Variants in DMTF1 observed in about 807,000 individuals in gnomAD.
DMTF1 encodes cyclin D binding myb like transcription factor 1, also known as cyclin-D-binding Myb-like transcription factor 1.
DMTF1 carries 39 observed loss-of-function variants against 91.1 expected under a neutral mutation model. The ratio of observed to expected loss-of-function variants is 0.43; its 90% CI spans 0.33 to 0.56. The LOEUF (loss-of-function observed/expected upper bound fraction) is 0.56. Among genes scored for constraint, DMTF1 ranks in the 20% least tolerant of loss-of-function variants. The pLI, the probability that DMTF1 is intolerant of heterozygous loss-of-function variation, is 0.05. For synonymous variants in DMTF1, 338 were observed against 309.5 expected (o/e 1.09, Z -0.97); for missense variants, 750 against 914.5 (o/e 0.82, Z 2.32).
At chr7:87,163,056 A>G (rs970307935) in intron 1 of DMTF1, 8 of 152,064 alleles carry the variant, frequency 5.3e-5, no homozygotes, top group African/African-American at 1.9e-4. Flanking sequence ...GTACTATATA[A>G]TTTTTAATGC....
At chr7:87,186,781 G>A (rs2129170069) in intron 12 of DMTF1, 1 of 152,244 alleles carries the variant, frequency 6.6e-6, no homozygotes, top group African/African-American at 2.4e-5. Context: ...ATCTAGGTTT[G>A]TGTAAGTACA....
chr7:87,159,579 T>A (rs1791697945), intron 1 of DMTF1, among the ~76,000 whole-genome samples: 1 of 152,244 alleles, frequency 6.6e-6, no homozygotes, highest in Non-Finnish European at 1.5e-5. Context: ...AAAATGCCAC[T>A]TCAGTTAAAA....
In DMTF1 at chr7:87,166,575, A is replaced by G. The variant is rs1446608147; in HGVS notation, c.202A>G (p.Thr68Ala). The G allele has an allele frequency of 1.2e-6, 2 of 1,613,208 alleles. No homozygotes were observed. The highest frequency in any genetic ancestry group is 2.2e-5 in the South Asian group (2 of 91,044). Residue 68 changes from threonine to alanine, a missense_variant, in exon 4 of 18, where the codon ACT becomes GCT. Physicochemically the swap from Thr to Ala is moderately conservative, Grantham distance 58 (BLOSUM62 0). Around this residue, in one of 3 missense-constraint regions of DMTF1, gnomAD observed 150 missense variants for 150.4 expected, o/e 1.00. Coordinates refer to ENST00000331242, the MANE Select transcript of DMTF1 (RefSeq NM_001142327.2). ...GGATGATCAGAGTATTGATGATTCT[A>G]CTCCTTGCATATCAGTTGTTGCACT... is the stretch of plus-strand genomic sequence containing the variant. ...SEDDQSIDDS[T>A]PCISVVALPL...
chr7:87,165,375 A>G (rs2129071210), intron 3 of DMTF1, among the ~76,000 whole-genome samples: 1 of 152,310 alleles, frequency 6.6e-6, no homozygotes, highest in South Asian at 2.1e-4. Flanking sequence ...TTTTGTTAGA[A>G]ACTGTGTTAA....
chr7:87,176,645 C>A (rs7810647), intron 7 of DMTF1, among the ~76,000 whole-genome samples: 128,245 of 152,124 alleles, frequency 0.84, 54,285 homozygotes, highest in Middle Eastern at 0.96. Flanking sequence ...GAATGTTGGG[C>A]AAGAAGGAAA....
intron 1 of DMTF1, among the ~76,000 whole-genome samples, chr7:87,160,534 C>T (rs1028668193): frequency 2.0e-5 from 3 of 152,084 alleles, no homozygotes; most frequent in African/African-American, 7.2e-5. Flanking sequence ...CTCGGCCTCC[C>T]AAAGTGCTGG....
intron 11 of DMTF1, 121 bp from the exon 12 acceptor site, chr7:87,185,707 AG>A: frequency 9.2e-7 from 1 of 1,083,546 alleles, no homozygotes; most frequent in Non-Finnish European, 1.4e-6. Context: ...ACTTAACAAT[AG>A]CATCTCATTG....
chr7:87,174,211 T>G (rs1399737293), intron 6 of DMTF1, among the ~76,000 whole-genome samples: 1 of 152,152 alleles, frequency 6.6e-6, no homozygotes, highest in African/African-American at 2.4e-5. Flanking sequence ...TGCCCTAGAG[T>G]TTTTTGTATG....
At chr7:87,171,618 AT>A in intron 5 of DMTF1, among the ~76,000 whole-genome samples, 1 of 152,192 alleles carries the variant, frequency 6.6e-6, no homozygotes, top group East Asian at 1.9e-4. Context: ...AGTGGGCTGA[AT>A]ATTTTAATTT....
At chr7:87,185,772 G>A in intron 11 of DMTF1, 57 bp from the exon 12 acceptor site, 1 of 1,588,814 alleles carries the variant, frequency 6.3e-7, no homozygotes, top group Non-Finnish European at 8.6e-7. Context: ...AGTCAGAGGA[G>A]GGGTTCTTAT....
At chr7:87,157,773 G>A (rs1456758112) in intron 1 of DMTF1, among the ~76,000 whole-genome samples, 1 of 151,454 alleles carries the variant, frequency 6.6e-6, no homozygotes, top group African/African-American at 2.4e-5. Context: ...TTCATTGGGA[G>A]CTATAAGGTT....
intron 4 of DMTF1, 119 bp downstream of exon 4, chr7:87,166,724 C>G: frequency 1.1e-6 from 1 of 943,508 alleles, no homozygotes; most frequent in South Asian, 1.5e-5. Flanking sequence ...TTCATTTAGT[C>G]AAACCACCTC....
Position 87,158,425 on chromosome 7 carries a change from A to C in DMTF1, c.-131-5070A>C, listed in dbSNP as rs935980807. Among the ~76,000 whole-genome samples, 13 of 152,124 alleles carry C rather than the reference A, an allele frequency of 8.5e-5. No homozygotes were observed. The East Asian group carries it at 2.5e-3, about 29-fold the overall frequency. ...AACAAAATCTAAAATTTAAGGAATA[A>C]ATCAAATACATTTTAGTCTTGCAAA... is the stretch of plus-strand genomic sequence containing the variant. On this transcript the variant is annotated intron_variant, in intron 1 of 17. Transcript: ENST00000331242.
rs1562847101 is a variant in DMTF1, at chr7:87,188,306, G to GTGTTTGATCTTCAAGATTCCTTGC, written c.1411+16_1411+39dup. The stretch of plus-strand genomic sequence containing the variant: ...CAGTCCAGATCACCCATGTTTGTAA[G>GTGTTTGATCTTCAAGATTCCTTGC]TGTTTGATCTTCAAGATTCCTTGCT... On this transcript the variant is annotated splice_donor_region_variant and intron_variant, in intron 13 of 17. Coordinates refer to ENST00000331242, the MANE Select transcript of DMTF1 (RefSeq NM_001142327.2). 6.8e-6 allele frequency: 11 copies of GTGTTTGATCTTCAAGATTCCTTGC among 1,613,608 alleles called. No individual in the cohort carries two copies. Among genetic ancestry groups the GTGTTTGATCTTCAAGATTCCTTGC allele is most frequent in the Non-Finnish European group, 9.3e-6 (11 of 1,179,644 alleles).
intron 8 of DMTF1, among the ~76,000 whole-genome samples, chr7:87,180,908 T>C (rs998410689): frequency 6.8e-6 from 1 of 146,118 alleles, no homozygotes; most frequent in Non-Finnish European, 1.5e-5. Flanking sequence ...CAGGCTGGAG[T>C]ACAGTGGCAT....
At chr7:87,191,721 TC>T (rs1428163221) in intron 14 of DMTF1, among the ~76,000 whole-genome samples, 1 of 152,158 alleles carries the variant, frequency 6.6e-6, no homozygotes, top group African/African-American at 2.4e-5. Context: ...ATTTGAAATG[TC>T]CAAAATAGGC....
At chr7:87,164,399 T>C (rs912414131) in intron 2 of DMTF1, 2 of 152,344 alleles carry the variant, frequency 1.3e-5, no homozygotes, top group South Asian at 4.1e-4. Flanking sequence ...TCTTTTAAAA[T>C]TACAATTTGG....
chr7:87,187,121 CTGTT>C (rs1798629728), intron 12 of DMTF1: 1 of 152,142 alleles, frequency 6.6e-6, no homozygotes, highest in African/African-American at 2.4e-5. Context: ...GTTGTACAGT[CTGTT>C]TAATTTAGGT....
chr7:87,159,712 T>G lies in DMTF1; in HGVS notation c.-131-3783T>G, dbSNP rs183215275. ...AGCTGATGTGCAGTCATGTGTTGCT[T>G]AATGACAGAGTTCTGAGAAATGCAG... On this transcript the variant is annotated intron_variant, in intron 1 of 17. Transcript: ENST00000331242. 3.4e-3 allele frequency among the ~76,000 whole-genome samples: 517 copies of G among 152,328 alleles called. 1 individual carries two copies. Among genetic ancestry groups the G allele is most frequent in the Middle Eastern group, 0.01 (3 of 294 alleles).
Sources: gnomAD v4.1 joint callset for allele counts (sites outside exome capture counted in the v4.1 genomes callset) on GRCh38, gnomAD v4.1.1 for gene constraint, gnomAD v4.1.1 regional missense constraint, MANE v1.5 for transcripts, NCBI Gene and HGNC (gene_info 2026-07-23, HGNC 2026-07-21) for gene names.